TSPEAR: variants seen among roughly 807,000 people sequenced by gnomAD.
TSPEAR encodes the protein thrombospondin-type laminin G domain and EAR repeat-containing protein.
A neutral mutation model predicts 71.6 loss-of-function variants in TSPEAR; 69 were observed. The observed-to-expected ratio is 0.96, with a 90% CI of 0.79 to 1.18. The LOEUF (loss-of-function observed/expected upper bound fraction) is 1.18. Ranked by LOEUF, TSPEAR falls within the 50% of genes most tolerant of loss-of-function variation. The pLI, the probability that TSPEAR is intolerant of heterozygous loss-of-function variation, is 0.00. For missense variants in TSPEAR, 971 were observed against 894.9 expected (o/e 1.09, Z -1.09); for synonymous variants, 402 against 387.2 (o/e 1.04, Z -0.45).
Position 44,695,181 on chromosome 21 carries a change from C to T in TSPEAR, c.82+16252G>A, listed in dbSNP as rs1293259492. Among the ~76,000 whole-genome samples the T allele has an allele frequency of 6.6e-6, 1 of 152,224 alleles. No homozygotes were observed. Among genetic ancestry groups the T allele is most frequent in the East Asian group, 1.9e-4 (1 of 5,196 alleles). On this transcript the variant is annotated intron_variant, in intron 1 of 11. Transcript: ENST00000323084. This position sits in a 1 kb window ranked among gnomAD's most constrained non-coding sequence, Gnocchi z 4.5. ...AAACTGTGGGGAACCTATCCAGCCT[C>T]CCCCGACCCCACCCCAACTCCTGTG...
chr21:44,694,763 G>A (rs189140653), intron 1 of TSPEAR, among the ~76,000 whole-genome samples: 269 of 152,290 alleles, frequency 1.8e-3, no homozygotes, highest in African/African-American at 5.3e-3. Flanking sequence ...ATGCACACAA[G>A]GCTGCAGGTT....
chr21:44,516,857 G>T (rs186904036), intron 9 of TSPEAR, among the ~76,000 whole-genome samples: 2 of 152,068 alleles, frequency 1.3e-5, no homozygotes, highest in East Asian at 3.9e-4. Flanking sequence ...CCCCTCCTGG[G>T]TATGGCCCTC....
At chr21:44,675,210 C>T (rs1221849417) in intron 1 of TSPEAR, among the ~76,000 whole-genome samples, 1 of 151,984 alleles carries the variant, frequency 6.6e-6, no homozygotes, top group African/African-American at 2.4e-5. Flanking sequence ...AGCAGCCCAT[C>T]GAAAAGATAA....
intron 1 of TSPEAR, among the ~76,000 whole-genome samples, chr21:44,709,854 C>T (rs1235854638): frequency 6.6e-6 from 1 of 152,256 alleles, no homozygotes; most frequent in East Asian, 1.9e-4. Context: ...TTATGCTAGT[C>T]TCTTGGGAGC....
chr21:44,586,258 G>A (rs1979332286), intron 1 of TSPEAR, among the ~76,000 whole-genome samples: 2 of 152,330 alleles, frequency 1.3e-5, no homozygotes, highest in African/African-American at 4.8e-5. Flanking sequence ...TCCTGCTTCT[G>A]CCTTTCTTTC....
At chr21:44,638,886 C>T (rs1983848218) in intron 1 of TSPEAR, among the ~76,000 whole-genome samples, 2 of 152,068 alleles carry the variant, frequency 1.3e-5, no homozygotes, top group South Asian at 4.1e-4. Flanking sequence ...GCAGCCTCAC[C>T]CCTCCTGTTA....
rs7510513 is a variant in TSPEAR at position 44,579,756 on chromosome 21, A to C, written c.83-11751T>G. The C allele has an allele frequency of 6.8e-3, 10,941 of 1,607,418 alleles. 409 individuals carry two copies. The African/African-American group carries it at 0.096, about 14-fold the overall frequency. On this transcript the variant is annotated intron_variant, in intron 1 of 11. Coordinates refer to ENST00000323084, the MANE Select transcript of TSPEAR (RefSeq NM_144991.3). ...CAGCAACTGGACTCCTGGCCTGAGC[A>C]GAGGCCTCAGCAGGCCAGGGGGGAG...
At chr21:44,507,880 G>A (rs1265391846) in intron 10 of TSPEAR, among the ~76,000 whole-genome samples, 4 of 151,456 alleles carry the variant, frequency 2.6e-5, no homozygotes, top group Admixed American at 2.6e-4. Flanking sequence ...GCCACGCAGG[G>A]GCCACGGAGC....
At chr21:44,686,334 G>A in intron 1 of TSPEAR, 1 of 153,158 alleles carries the variant, frequency 6.5e-6, no homozygotes, top group Non-Finnish European at 1.5e-5. Flanking sequence ...GGAGGAAGAT[G>A]CCAGGGGCCT....
intron 1 of TSPEAR, chr21:44,579,529 G>GCCTC: frequency 1.7e-6 from 1 of 603,420 alleles, no homozygotes; most frequent in Non-Finnish European, 2.9e-6. Flanking sequence ...AAGTGACATG[G>GCCTC]GGCAGAGAAG....
At chr21:44,654,591 C>A in intron 1 of TSPEAR, 3 of 1,586,942 alleles carry the variant, frequency 1.9e-6, no homozygotes, top group East Asian at 2.3e-5. Context: ...TTGGGCAGCC[C>A]GAAGAGTGGC....
At chr21:44,689,014 C>T (rs1223906944) in intron 1 of TSPEAR, among the ~76,000 whole-genome samples, 1 of 152,194 alleles carries the variant, frequency 6.6e-6, no homozygotes, top group Admixed American at 6.5e-5. Flanking sequence ...CATAGAGCAC[C>T]AGGCCAACCT....
At position 44,529,817 on chromosome 21, in the gene TSPEAR, C is replaced by T. The variant is rs1555915489; in HGVS notation, c.771G>A (p.Glu257=). ...ACTAACCATAGGGATATTTTAGCAC[C>T]TCGTTATCTTCTGGCTTCCCCGTGA... The part of the protein sequence containing the change: ...QALTGKPEDN[E]VLKYPYETNI... Residue 257 remains glutamate, a synonymous_variant, in exon 5 of 12, where the codon GAG becomes GAA. Coordinates refer to ENST00000323084, the MANE Select transcript of TSPEAR (RefSeq NM_144991.3). The T allele has an allele frequency of 6.2e-7, 1 of 1,613,940 alleles. No homozygotes were observed. Among genetic ancestry groups the T allele is most frequent in the East Asian group, 2.2e-5 (1 of 44,882 alleles).
intron 1 of TSPEAR, chr21:44,682,288 T>C: frequency 1.3e-6 from 1 of 795,850 alleles, no homozygotes; most frequent in Non-Finnish European, 2.0e-6. Context: ...GAACTCAGTT[T>C]TCTGTCGTAG....
intron 1 of TSPEAR, among the ~76,000 whole-genome samples, chr21:44,648,275 A>C (rs1294740872): frequency 1.3e-5 from 2 of 152,220 alleles, no homozygotes; most frequent in Admixed American, 1.3e-4. Flanking sequence ...GTGGACCACT[A>C]GCACTGGAGA....
chr21:44,563,229 T>A (rs587746529), intron 2 of TSPEAR, among the ~76,000 whole-genome samples: 4 of 152,194 alleles, frequency 2.6e-5, no homozygotes, highest in African/African-American at 9.6e-5. Flanking sequence ...ATACTTGTTC[T>A]TTCTTCTCTG....
chr21:44,524,816 T>A (rs970584244), intron 8 of TSPEAR, among the ~76,000 whole-genome samples: 5 of 151,476 alleles, frequency 3.3e-5, no homozygotes, highest in Non-Finnish European at 7.4e-5. Context: ...AGATAGACAG[T>A]CAGGTAGTTA....
Position 44,627,268 on chromosome 21 carries a change from G to A in TSPEAR, c.83-59263C>T, listed in dbSNP as rs369270847. The A allele has an allele frequency of 2.0e-5, 33 of 1,612,506 alleles. No individual in the cohort carries two copies. The highest frequency in any genetic ancestry group is 1.6e-4 in the East Asian group (7 of 44,856). On this transcript the variant is annotated intron_variant, in intron 1 of 11. Transcript: ENST00000323084. ...GAGCTGCTGTGAGCCCCCCTGCTGC[G>A]CCACCAGCTGCTGCGCCCCGGCCCC...
intron 9 of TSPEAR, among the ~76,000 whole-genome samples, chr21:44,510,509 G>A (rs2052338356): frequency 6.6e-6 from 1 of 152,234 alleles, no homozygotes; most frequent in African/African-American, 2.4e-5. Flanking sequence ...GCCCTCCGCA[G>A]CAGGTCAGGC....
Sources: gnomAD v4.1 joint callset for allele counts (sites outside exome capture counted in the v4.1 genomes callset) on GRCh38, gnomAD v4.1.1 for gene constraint, Gnocchi (gnomAD v3.1) non-coding constraint, MANE v1.5 for transcripts, NCBI Gene and HGNC (gene_info 2026-07-23, HGNC 2026-07-21) for gene names.